The following SYT16 variants were observed in gnomAD, a reference collection of about 807,000 sequenced individuals.
SYT16 encodes synaptotagmin 16.
SYT16 carries 42 observed loss-of-function variants against 61.4 expected under a neutral mutation model. The observed-to-expected ratio is 0.68, with a 90% confidence interval of 0.53 to 0.89. The LOEUF (loss-of-function observed/expected upper bound fraction) is 0.89. Among genes scored for constraint, SYT16 ranks in the 40% least tolerant of loss-of-function variants. SYT16 has a pLI of 0.00. For synonymous variants in SYT16, 314 were observed against 302.3 expected, an observed-to-expected ratio of 1.04 and a Z score of -0.40; for missense variants, 804 against 807.3, an observed-to-expected ratio of 1.00 and a Z score of 0.05.
At chr14:62,064,016 A>G (rs2055945191) in intron 3 of SYT16, among the ~76,000 whole-genome samples, 1 of 152,200 alleles carries the variant, frequency 6.6e-6, no homozygotes, top group East Asian at 1.9e-4. Context: ...GTGTATCCAC[A>G]TTTACGATAA....
In SYT16 at chr14:62,075,119, C is replaced by A. The variant is rs752156211; in HGVS notation, c.737-16C>A. On this transcript the variant is annotated splice_polypyrimidine_tract_variant and intron_variant, in intron 4 of 7. Coordinates refer to ENST00000683842, the MANE Select transcript of SYT16 (RefSeq NM_001367656.1). ...AAAATAATGCATTTGAAATGGTTTT[C>A]TTATTGCAAATTTAGATTTGGATGG... 1.3e-5 allele frequency: 21 copies of A among 1,587,538 alleles called. No homozygotes were observed. The highest frequency in any genetic ancestry group is 3.4e-5 in the South Asian group (3 of 88,332).
intron 3 of SYT16, among the ~76,000 whole-genome samples, chr14:61,997,787 G>A (rs571948788): frequency 6.6e-6 from 1 of 152,098 alleles, no homozygotes; most frequent in African/African-American, 2.4e-5. Context: ...TGAAAAGGTT[G>A]AACTATATTT....
intron 1 of SYT16, among the ~76,000 whole-genome samples, chr14:61,880,982 T>C (rs1470051338): frequency 6.6e-6 from 1 of 152,196 alleles, no homozygotes; most frequent in Non-Finnish European, 1.5e-5. Flanking sequence ...CACCTCTTGA[T>C]ACATCTTCAC....
intron 3 of SYT16, among the ~76,000 whole-genome samples, chr14:62,068,940 C>T (rs971041086): frequency 6.6e-6 from 1 of 152,118 alleles, no homozygotes; most frequent in African/African-American, 2.4e-5. Flanking sequence ...GGATTACAGG[C>T]TCCTGACACC....
chr14:61,851,731 C>T (rs1192902278), intron 1 of SYT16, among the ~76,000 whole-genome samples: 1 of 152,282 alleles, frequency 6.6e-6, no homozygotes, highest in South Asian at 2.1e-4. Flanking sequence ...CTATTCATGT[C>T]TTTTGCCCAC....
upstream of SYT16, chr14:61,812,646 G>GGCGGCGCGGC (rs1013865756): frequency 3.9e-4 from 57 of 146,502 alleles, no homozygotes; most frequent in South Asian, 9.3e-4. Context: ...GGCGGCGCGG[G>GGCGGCGCGGC]GCGGCGCGGC....
At chr14:62,001,472 GTTTC>G (rs2053011929) in intron 3 of SYT16, among the ~76,000 whole-genome samples, 1 of 152,022 alleles carries the variant, frequency 6.6e-6, no homozygotes, top group Non-Finnish European at 1.5e-5. Context: ...TGTAATATGT[GTTTC>G]TTTCACTTGG....
At chr14:61,936,597 T>C (rs2049991965) in intron 1 of SYT16, among the ~76,000 whole-genome samples, 1 of 152,206 alleles carries the variant, frequency 6.6e-6, no homozygotes, top group African/African-American at 2.4e-5. Context: ...CATTTTAGAA[T>C]GTAATGATGT....
At chr14:61,902,556 T>C (rs1223778371) in intron 1 of SYT16, among the ~76,000 whole-genome samples, 1 of 152,200 alleles carries the variant, frequency 6.6e-6, no homozygotes, top group Admixed American at 6.5e-5. Context: ...CAATAGCAAT[T>C]TATTTTCTCA....
chr14:62,079,715 C>T (rs1256281903), intron 5 of SYT16, among the ~76,000 whole-genome samples: 2 of 152,178 alleles, frequency 1.3e-5, no homozygotes, highest in Non-Finnish European at 1.5e-5. Context: ...AGTTTAGTTA[C>T]AGGTAAGGAT....
At chr14:61,855,451 C>T (rs1321309922) in intron 1 of SYT16, among the ~76,000 whole-genome samples, 1 of 152,194 alleles carries the variant, frequency 6.6e-6, no homozygotes, top group Non-Finnish European at 1.5e-5. Context: ...GCTCACAACA[C>T]TTATACTGGC....
chr14:61,926,591 A>G (rs1247751183), intron 1 of SYT16, among the ~76,000 whole-genome samples: 2 of 152,202 alleles, frequency 1.3e-5, no homozygotes, highest in African/African-American at 4.8e-5. Context: ...AAGAGCTATA[A>G]TGTGAAAGAG....
Position 62,000,099 on chromosome 14 carries a change from ATTTTTTTTT to A in SYT16, c.523+3578_523+3586del. On this transcript the variant is annotated intron_variant, in intron 3 of 7. Transcript: ENST00000683842. ...TTTCTAATACTTATTTTGTCTCTCGATTTTTTTTTTTTTTTTTTTTTTTTTTTTTAGCGT... is the reference window on the plus strand; with the variant it reads ...TTTCTAATACTTATTTTGTCTCTCGATTTTTTTTTTTTTTTTTTTTAGCGT... 8.4e-4 allele frequency among the ~76,000 whole-genome samples: 16 copies of A among 18,956 alleles called. No homozygotes were observed. In the South Asian group the frequency reaches 0.03, roughly 36 times the overall value. The allele number at this position is 18,956 out of a possible 152,430, so 12.4% of individuals were successfully genotyped here.
intron 2 of SYT16, among the ~76,000 whole-genome samples, chr14:61,977,891 C>T (rs116141704): frequency 6.6e-6 from 1 of 152,098 alleles, no homozygotes; most frequent in African/African-American, 2.4e-5. Context: ...TCTGGAGACC[C>T]ATATTCTGAA....
intron 1 of SYT16, among the ~76,000 whole-genome samples, chr14:61,941,112 A>G (rs548858354): frequency 6.4e-4 from 98 of 152,300 alleles, no homozygotes; most frequent in African/African-American, 2.3e-3. Context: ...CTTGGGATCT[A>G]TAGACAAACA....
At chr14:62,039,307 A>T (rs1363791849) in intron 3 of SYT16, among the ~76,000 whole-genome samples, 5 of 152,232 alleles carry the variant, frequency 3.3e-5, no homozygotes, top group Non-Finnish European at 7.3e-5. Flanking sequence ...TGCCTTGGTC[A>T]TTATGAATAG....
At chr14:61,956,557 C>A (rs2050884253) in intron 1 of SYT16, among the ~76,000 whole-genome samples, 1 of 151,954 alleles carries the variant, frequency 6.6e-6, no homozygotes, top group South Asian at 2.1e-4. Context: ...GTGGAAAAGA[C>A]TGTTCTTTCC....
In SYT16 at chr14:61,818,694, A is replaced by C. The variant is rs1026202784; in HGVS notation, c.-325+5884A>C. Among the ~76,000 whole-genome samples, 1,106 of 151,936 alleles carry C rather than the reference A, an allele frequency of 7.3e-3. 14 individuals are homozygous for C. Among genetic ancestry groups the C allele is most frequent in the African/African-American group, 0.026 (1,066 of 41,344 alleles). On this transcript the variant is annotated intron_variant, in intron 1 of 7. Transcript: ENST00000683842. ...CTCTGTCTCAAAAAAAAAAAAAAAA[A>C]ACAGCATTTAGATATTATTAATGTT...
At chr14:61,952,790 A>C (rs1291525563) in intron 1 of SYT16, among the ~76,000 whole-genome samples, 2 of 152,132 alleles carry the variant, frequency 1.3e-5, no homozygotes, top group Non-Finnish European at 2.9e-5. Flanking sequence ...TATTTTTTGA[A>C]AGGTCTATTT....
Sources: allele counts gnomAD v4.1 joint callset (sites outside exome capture counted in the v4.1 genomes callset), GRCh38; gene constraint gnomAD v4.1.1; transcripts MANE v1.5; gene names NCBI Gene and HGNC (gene_info 2026-07-23, HGNC 2026-07-21).